Variants in DNER observed in about 807,000 individuals in gnomAD.
DNER encodes delta/notch like EGF repeat containing, also known as delta and Notch-like epidermal growth factor-related receptor.
In DNER, 33 loss-of-function variants were observed where a neutral mutation model predicts 78.2. The ratio of observed to expected loss-of-function variants is 0.42; its 90% CI spans 0.32 to 0.56. The LOEUF is 0.56. Among genes scored for constraint, DNER ranks in the 20% least tolerant of loss-of-function variants. DNER has a pLI of 0.11. For synonymous variants in DNER, 417 were observed against 384.8 expected, an observed-to-expected ratio of 1.08 and a Z score of -0.98; for missense variants, 918 against 975.3, an observed-to-expected ratio of 0.94 and a Z score of 0.78.
chr2:229,439,712 T>C lies in DNER; in HGVS notation c.1486+7604A>G, dbSNP rs188852418. 6.6e-5 allele frequency among the ~76,000 whole-genome samples: 10 copies of C among 152,320 alleles called. No homozygotes were observed. In the South Asian group the frequency reaches 1.9e-3, roughly 28 times the overall value. On this transcript the variant is annotated intron_variant, in intron 8 of 12. Coordinates refer to ENST00000341772, the MANE Select transcript of DNER (RefSeq NM_139072.4). Reference sequence around the variant, plus strand: ...CAAAATAGTGGTAGGGAGGTCCCCATCTGACCCTCCAGGGCCATAAGCTTG... The same window carrying C: ...CAAAATAGTGGTAGGGAGGTCCCCACCTGACCCTCCAGGGCCATAAGCTTG...
At chr2:229,389,108 C>A (rs73098239) in intron 10 of DNER, among the ~76,000 whole-genome samples, 4,469 of 152,072 alleles carry the variant, frequency 0.029, 97 homozygotes, top group African/African-American at 0.06. Flanking sequence ...CTAAACCTGA[C>A]CTAATCTCTT....
intron 10 of DNER, among the ~76,000 whole-genome samples, chr2:229,395,965 C>T (rs576183311): frequency 1.3e-5 from 2 of 152,226 alleles, no homozygotes; most frequent in South Asian, 2.1e-4. Flanking sequence ...AAAGAAGACA[C>T]TTTTCCTGGC....
chr2:229,360,279 C>T (rs1331603985), intron 12 of DNER, among the ~76,000 whole-genome samples: 2 of 152,218 alleles, frequency 1.3e-5, no homozygotes. Flanking sequence ...CAGTGAAGAG[C>T]TCTCCATATC....
chr2:229,451,262 G>T (rs1427692198), intron 7 of DNER, among the ~76,000 whole-genome samples: 1 of 152,174 alleles, frequency 6.6e-6, no homozygotes, highest in Non-Finnish European at 1.5e-5. Context: ...TCCAAGACCA[G>T]CCTGGCCAAC....
chr2:229,506,040 G>T (rs1695736351), intron 6 of DNER, among the ~76,000 whole-genome samples: 1 of 152,114 alleles, frequency 6.6e-6, no homozygotes, highest in Admixed American at 6.5e-5. Flanking sequence ...GCCATCTCCT[G>T]GGTTCCAGCA....
chr2:229,454,285 G>A (rs924622699), intron 7 of DNER, among the ~76,000 whole-genome samples: 8 of 152,212 alleles, frequency 5.3e-5, no homozygotes, highest in Non-Finnish European at 1.0e-4. Context: ...GGAGCTACAG[G>A]ATTGTATCTA....
chr2:229,513,270 T>C (rs1695908735), intron 5 of DNER, among the ~76,000 whole-genome samples: 1 of 152,226 alleles, frequency 6.6e-6, no homozygotes, highest in Admixed American at 6.5e-5. Flanking sequence ...GCAGATAGTT[T>C]AATGCTACAG....
intron 8 of DNER, among the ~76,000 whole-genome samples, chr2:229,433,111 T>TA (rs1488716985): frequency 6.6e-6 from 1 of 152,150 alleles, no homozygotes; most frequent in Non-Finnish European, 1.5e-5. Context: ...GACTAATTTT[T>TA]GTAATTTTAG....
chr2:229,431,711 A>G (rs980960874), intron 8 of DNER, among the ~76,000 whole-genome samples: 13 of 152,034 alleles, frequency 8.6e-5, no homozygotes, highest in African/African-American at 2.7e-4. Flanking sequence ...GGTGCAGCAC[A>G]TCAGCATGGC....
chr2:229,595,724 C>CT (rs1697701135), intron 1 of DNER, among the ~76,000 whole-genome samples: 1 of 152,204 alleles, frequency 6.6e-6, no homozygotes, highest in African/African-American at 2.4e-5. Flanking sequence ...AGTCACTCTC[C>CT]TGCCCCAGGG....
intron 11 of DNER, among the ~76,000 whole-genome samples, chr2:229,372,047 G>A (rs141553376): frequency 0.014 from 2,085 of 152,316 alleles, 20 homozygotes; most frequent in Non-Finnish European, 0.02. Flanking sequence ...TCTGGAAGAG[G>A]AATGAATGCG....
chr2:229,704,537 A>G (rs1402527898), intron 1 of DNER, among the ~76,000 whole-genome samples: 1 of 152,390 alleles, frequency 6.6e-6, no homozygotes, highest in South Asian at 2.1e-4. Context: ...CAAACAATTG[A>G]TACATGAAAC....
intron 1 of DNER, among the ~76,000 whole-genome samples, chr2:229,685,882 G>C (rs1699474544): frequency 6.6e-6 from 1 of 152,156 alleles, no homozygotes. Context: ...AGGGGCTAAG[G>C]TCAGTGTGAG....
chr2:229,555,669 C>T (rs1039198907), intron 4 of DNER, among the ~76,000 whole-genome samples: 2 of 152,102 alleles, frequency 1.3e-5, no homozygotes, highest in African/African-American at 4.8e-5. Context: ...GATACAGGTA[C>T]ATTAATAGCC....
intron 8 of DNER, among the ~76,000 whole-genome samples, chr2:229,423,092 T>G (rs1280892482): frequency 6.6e-6 from 1 of 151,374 alleles, no homozygotes; most frequent in Non-Finnish European, 1.5e-5. Flanking sequence ...GGGGTGGGAG[T>G]GATCCTTATG....
chr2:229,597,186 A>G (rs1268277001), intron 1 of DNER, among the ~76,000 whole-genome samples: 1 of 152,198 alleles, frequency 6.6e-6, no homozygotes, highest in African/African-American at 2.4e-5. Flanking sequence ...TTTAAAAATA[A>G]TTTTATCCCA....
At chr2:229,368,869 A>C (rs10933292) in intron 11 of DNER, among the ~76,000 whole-genome samples, 18,374 of 152,266 alleles carry the variant, frequency 0.12, 1,848 homozygotes, top group East Asian at 0.52. Context: ...GACAGGATTA[A>C]AAATGATTAT....
intron 8 of DNER, among the ~76,000 whole-genome samples, chr2:229,423,477 T>C (rs1364510022): frequency 6.6e-6 from 1 of 151,798 alleles, no homozygotes; most frequent in Non-Finnish European, 1.5e-5. Context: ...TAGCCAGGCG[T>C]GGTGGTGGGC....
chr2:229,393,561 G>A lies in DNER; in HGVS notation c.1724-5165C>T, dbSNP rs189895483. 3.1e-3 allele frequency among the ~76,000 whole-genome samples: 469 copies of A among 151,192 alleles called. 2 individuals are homozygous for A. The highest frequency in any genetic ancestry group is 4.7e-3 in the Non-Finnish European group (317 of 67,604). ...GAAAAAAGACTTTTTAAAAAACTAAGTAGAAGCTGAGCACAGTGGCTCACA... is the reference window on the plus strand; with the variant it reads ...GAAAAAAGACTTTTTAAAAAACTAAATAGAAGCTGAGCACAGTGGCTCACA... On this transcript the variant is annotated intron_variant, in intron 10 of 12. Coordinates refer to ENST00000341772, the MANE Select transcript of DNER (RefSeq NM_139072.4).
Sources: gnomAD v4.1 joint callset for allele counts (sites outside exome capture counted in the v4.1 genomes callset) on GRCh38, gnomAD v4.1.1 for gene constraint, MANE v1.5 for transcripts, NCBI Gene and HGNC (gene_info 2026-07-23, HGNC 2026-07-21) for gene names.